DMXL1: variants seen among roughly 807,000 people sequenced by gnomAD.
DMXL1 encodes the protein dmX-like protein 1.
DMXL1 carries 99 observed loss-of-function variants against 319.2 expected under a neutral mutation model. The ratio of observed to expected loss-of-function variants is 0.31; its 90% CI spans 0.26 to 0.37. DMXL1 has a LOEUF of 0.37. Among genes scored for constraint, DMXL1 ranks in the 10% least tolerant of loss-of-function variants. DMXL1 has a pLI of 1.00. For synonymous variants in DMXL1, 1,385 were observed against 1,235.2 expected (o/e 1.12, Z -2.54); for missense variants, 3,745 against 3,595.6 (o/e 1.04, Z -1.06).
chr5:119,169,367 A>G (rs1326745957), intron 23 of DMXL1, among the ~76,000 whole-genome samples: 2 of 152,244 alleles, frequency 1.3e-5, no homozygotes, highest in Non-Finnish European at 1.5e-5. Context: ...GATTTGGGAT[A>G]TGATTTTAAG....
chr5:119,169,305 T>C (rs77512065), intron 23 of DMXL1, among the ~76,000 whole-genome samples: 5,688 of 152,290 alleles, frequency 0.037, 152 homozygotes, highest in Middle Eastern at 0.065. Flanking sequence ...TTGCAAAAAA[T>C]AATAGCGGCT....
At chr5:119,172,022 C>T (rs1774671431) in intron 25 of DMXL1, 53 bp downstream of exon 25, 3 of 1,457,878 alleles carry the variant, frequency 2.1e-6, no homozygotes, top group Admixed American at 2.2e-5. Flanking sequence ...GATAAAACTA[C>T]AAGATAAATA....
intron 39 of DMXL1, 100 bp from the exon 40 acceptor site, chr5:119,237,222 A>G (rs1177848778): frequency 6.6e-6 from 4 of 609,874 alleles, no homozygotes; most frequent in South Asian, 2.9e-5. Context: ...CATACAGTCA[A>G]ATGTTTACGA....
rs555804367 is a variant in DMXL1 at position 119,163,203 on chromosome 5, A to G, written c.4703-1304A>G. 1.8e-4 allele frequency among the ~76,000 whole-genome samples: 27 copies of G among 152,282 alleles called. No individual in the cohort carries two copies. The South Asian group carries it at 5.4e-3, about 30-fold the overall frequency. On this transcript the variant is annotated intron_variant, in intron 19 of 43. Coordinates refer to ENST00000539542, the MANE Select transcript of DMXL1 (RefSeq NM_001290321.3). Reference sequence around the variant, plus strand: ...ATAACTATATTATTTAATTATCAAAACTATGTTATAAGATAGTTCCATGAT... The same window carrying G: ...ATAACTATATTATTTAATTATCAAAGCTATGTTATAAGATAGTTCCATGAT...
rs1238436612 is a variant in DMXL1, at chr5:119,178,022, A to G, written c.6913A>G (p.Asn2305Asp). ...PGITCLIRLL[N>D]SSGEEAQSGL... ...AATAACTTGTCTAATTCGACTTTTG[A>G]ATTCTTCTGGCGAGGAAGCCCAGTC... Residue 2305 changes from asparagine to aspartate, a missense_variant, in exon 28 of 44, where the codon AAT (asparagine) becomes GAT (aspartate). This residue lies in a region of DMXL1 where 1,382 missense variants were observed against 1,269.5 expected (regional missense o/e 1.09). Transcript: ENST00000539542. 1 of 1,607,860 alleles carries G rather than the reference A, an allele frequency of 6.2e-7. No individual in the cohort carries two copies. The highest frequency in any genetic ancestry group is 8.5e-7 in the Non-Finnish European group (1 of 1,176,508).
At chr5:119,179,678 A>T (rs1405334308) in intron 28 of DMXL1, among the ~76,000 whole-genome samples, 4 of 152,224 alleles carry the variant, frequency 2.6e-5, no homozygotes, top group Non-Finnish European at 5.9e-5. Context: ...TTTCAAAAGC[A>T]GTTTCCACTA....
intron 33 of DMXL1, 176 bp from the exon 34 acceptor site, chr5:119,206,658 A>G (rs1781797806): frequency 2.3e-6 from 1 of 438,352 alleles, no homozygotes. Context: ...TTTCCTAACC[A>G]TGCACCCTCA....
At chr5:119,078,595 T>A (rs1221471105) in intron 1 of DMXL1, among the ~76,000 whole-genome samples, 1 of 152,138 alleles carries the variant, frequency 6.6e-6, no homozygotes, top group Non-Finnish European at 1.5e-5. Flanking sequence ...GGACCACAGG[T>A]GTGTGCCACA....
At chr5:119,245,200 T>C (rs970156271) in intron 43 of DMXL1, among the ~76,000 whole-genome samples, 2 of 152,216 alleles carry the variant, frequency 1.3e-5, no homozygotes, top group African/African-American at 4.8e-5. Context: ...GTAATTTTAA[T>C]GGAGGGTCTT....
intron 34 of DMXL1, among the ~76,000 whole-genome samples, chr5:119,210,757 G>GTTTTTTTTTTTTTTTTTTTTTTTTCTT: frequency 3.3e-5 from 3 of 89,778 alleles, no homozygotes; most frequent in Admixed American, 2.9e-4. Flanking sequence ...TTTTTCTTTC[G>GTTTTTTTTTTTTTTTTTTTTTTTTCTT]TTTTTTTTTT....
At position 119,248,153 on chromosome 5, in the gene DMXL1, A is replaced by T. The variant is rs186398723; in HGVS notation, c.*934A>T. Reference sequence around the variant, plus strand: ...GAGCATCAAACAAATATTTTACTTAAATTTTATTTTATCTTATTTTTAGGT... The same window carrying T: ...GAGCATCAAACAAATATTTTACTTATATTTTATTTTATCTTATTTTTAGGT... On this transcript the variant is annotated 3_prime_UTR_variant, in exon 44 of 44. Transcript: ENST00000539542. 6.6e-6 allele frequency: 1 copy of T among 152,504 alleles called. No individual in the cohort carries two copies. Among genetic ancestry groups the T allele is most frequent in the East Asian group, 1.9e-4 (1 of 5,202 alleles). The allele number at this position is 152,504 out of a possible 1,614,324, so 9.4% of individuals were successfully genotyped here. A position where few individuals can be genotyped will look rare whatever the true frequency, so the allele number is the denominator to read the frequency against.
chr5:119,151,873 T>C (rs1187357028), intron 18 of DMXL1, 56 bp from the exon 19 acceptor site: 1 of 1,159,940 alleles, frequency 8.6e-7, no homozygotes, highest in African/African-American at 1.5e-5. Flanking sequence ...ATATTGGGTG[T>C]TCTTTTGCTT....
chr5:119,082,330 A>G (rs1229204906), intron 1 of DMXL1, among the ~76,000 whole-genome samples: 3 of 151,696 alleles, frequency 2.0e-5, no homozygotes, highest in South Asian at 2.1e-4. Context: ...TTGGAGTGCA[A>G]TAGTGTGAAC....
At chr5:119,219,003 C>T (rs183547654) in intron 35 of DMXL1, among the ~76,000 whole-genome samples, 1 of 152,140 alleles carries the variant, frequency 6.6e-6, no homozygotes, top group African/African-American at 2.4e-5. Context: ...TTAAACAGTC[C>T]ATTTAATTGA....
chr5:119,240,019 A>C (rs1316184749), intron 41 of DMXL1, among the ~76,000 whole-genome samples: 1 of 151,550 alleles, frequency 6.6e-6, no homozygotes, highest in Non-Finnish European at 1.5e-5. Flanking sequence ...CTGTAATCCC[A>C]GTGCCTTGGC....
intron 29 of DMXL1, 109 bp downstream of exon 29, chr5:119,189,995 G>T: frequency 9.1e-7 from 1 of 1,095,144 alleles, no homozygotes; most frequent in South Asian, 1.7e-5. Flanking sequence ...CTTTGGTTTA[G>T]AAAATTTTCA....
intron 37 of DMXL1, 61 bp from the exon 38 acceptor site, chr5:119,224,648 C>T (rs1785212306): frequency 3.3e-6 from 2 of 603,520 alleles, no homozygotes; most frequent in Non-Finnish European, 5.5e-6. Context: ...AATTTCCTGT[C>T]ACAATTTAAA....
intron 32 of DMXL1, among the ~76,000 whole-genome samples, chr5:119,202,103 T>C (rs1043180458): frequency 3.3e-5 from 5 of 152,226 alleles, no homozygotes; most frequent in African/African-American, 2.4e-5. Flanking sequence ...TTTTTTATCT[T>C]CTGCTAGCTT....
chr5:119,183,009 T>C (rs950030453), intron 28 of DMXL1, among the ~76,000 whole-genome samples: 2 of 152,214 alleles, frequency 1.3e-5, no homozygotes, highest in African/African-American at 4.8e-5. Flanking sequence ...AACTGTGAAT[T>C]ACCTCTTTAT....
Sources: allele counts gnomAD v4.1 joint callset (sites outside exome capture counted in the v4.1 genomes callset), GRCh38; gene constraint gnomAD v4.1.1; regional missense constraint gnomAD v4.1.1; transcripts MANE v1.5; gene names NCBI Gene and HGNC (gene_info 2026-07-23, HGNC 2026-07-21).